Variants in LDLRAD4 observed in about 807,000 individuals in gnomAD.
LDLRAD4 encodes low density lipoprotein receptor class A domain containing 4.
Under a neutral mutation model 17.0 loss-of-function variants are expected in LDLRAD4, and 5 were observed. The observed-to-expected ratio is 0.29, with a 90% CI of 0.15 to 0.62. The LOEUF (loss-of-function observed/expected upper bound fraction) is 0.62, where lower values mean the gene tolerates loss of function less well. Ranked by LOEUF, LDLRAD4 falls within the 20% of genes least tolerant of loss-of-function variation. LDLRAD4 has a pLI of 0.84. For missense variants in LDLRAD4, 340 were observed against 424.7 expected, an observed-to-expected ratio of 0.80 and a Z score of 1.75; for synonymous variants, 168 against 171.8, an observed-to-expected ratio of 0.98 and a Z score of 0.17.
chr18:13,449,822 C>T lies in LDLRAD4; in HGVS notation c.181+11438C>T, dbSNP rs148142861. On this transcript the variant is annotated intron_variant, in intron 3 of 5. Transcript: ENST00000359446. ...TATGGTTCCAGGTAGGGTGTACCGC[C>T]GCAGGCCCTTGCATGCCAGCTGTTC... Among the ~76,000 whole-genome samples, 147 of 152,280 alleles carry T rather than the reference C, an allele frequency of 9.7e-4. 1 individual carries two copies. Among genetic ancestry groups the T allele is most frequent in the Non-Finnish European group, 1.5e-3 (102 of 68,036 alleles).
At chr18:13,502,583 A>T (rs188024140) in intron 3 of LDLRAD4, among the ~76,000 whole-genome samples, 22 of 152,352 alleles carry the variant, frequency 1.4e-4, no homozygotes, top group Admixed American at 1.4e-3. Flanking sequence ...GAAAAAAGTA[A>T]GTAGGGGAAA....
chr18:13,561,915 A>G (rs892431435), intron 3 of LDLRAD4: 1 of 152,256 alleles, frequency 6.6e-6, no homozygotes, highest in Non-Finnish European at 1.5e-5. Context: ...ACCTAAAAGA[A>G]AAACCAAACA....
At position 13,247,835 on chromosome 18, in the gene LDLRAD4, C is replaced by T. The variant is rs544238574; in HGVS notation, c.-467+28847C>T. Among the ~76,000 whole-genome samples the T allele has an allele frequency of 3.9e-4, 60 of 152,196 alleles. 2 individuals carry two copies. The highest frequency in any genetic ancestry group is 5.0e-4 in the Non-Finnish European group (34 of 68,024). Reference sequence around the variant, plus strand: ...TTTCTGCCACAGTTTTCATAGGCCACGGGATTTGCTGGAGAACCCGCTCAC... The same window carrying T: ...TTTCTGCCACAGTTTTCATAGGCCATGGGATTTGCTGGAGAACCCGCTCAC... On this transcript the variant is annotated intron_variant, in intron 1 of 5. Transcript: ENST00000399848.
intron 3 of LDLRAD4, among the ~76,000 whole-genome samples, chr18:13,449,823 G>A (rs945409129): frequency 2.0e-5 from 3 of 152,206 alleles, no homozygotes; most frequent in African/African-American, 4.8e-5. Flanking sequence ...GTGTACCGCC[G>A]CAGGCCCTTG....
intron 1 of LDLRAD4, among the ~76,000 whole-genome samples, chr18:13,348,490 G>A (rs947020343): frequency 6.6e-6 from 1 of 152,180 alleles, no homozygotes; most frequent in Non-Finnish European, 1.5e-5. Context: ...CTACTGTGGG[G>A]TGCCTCCCAG....
intron 3 of LDLRAD4, among the ~76,000 whole-genome samples, chr18:13,463,086 G>A (rs559461811): frequency 1.3e-5 from 2 of 152,274 alleles, no homozygotes; most frequent in African/African-American, 2.4e-5. Flanking sequence ...GAATCTCCAC[G>A]AAACAATTGG....
chr18:13,475,033 C>T (rs960121846), intron 3 of LDLRAD4, among the ~76,000 whole-genome samples: 2 of 152,100 alleles, frequency 1.3e-5, no homozygotes, highest in Admixed American at 6.5e-5. Flanking sequence ...TGGGGTGGCT[C>T]CTCTTGATTG....
Position 13,621,532 on chromosome 18 carries a change from C to T in LDLRAD4, c.336+261C>T, listed in dbSNP as rs1312174905. On this transcript the variant is annotated intron_variant, in intron 4 of 5. Coordinates refer to ENST00000359446, the Ensembl canonical transcript of LDLRAD4. The surrounding 1 kb of genome is among the most constrained non-coding windows in gnomAD (Gnocchi z 5.5). ...TCTCCCCTGGATCTTTGCTGCCCGACGTGGCTTTGCCAGCTTCTGAGCTGT... is the reference window on the plus strand; with the variant it reads ...TCTCCCCTGGATCTTTGCTGCCCGATGTGGCTTTGCCAGCTTCTGAGCTGT... 2.0e-5 allele frequency among the ~76,000 whole-genome samples: 3 copies of T among 152,218 alleles called. No homozygotes were observed. Among genetic ancestry groups the T allele is most frequent in the Admixed American group, 6.5e-5 (1 of 15,286 alleles).
intron 2 of LDLRAD4, among the ~76,000 whole-genome samples, chr18:13,410,008 G>C (rs2088172750): frequency 1.3e-5 from 2 of 152,234 alleles, no homozygotes; most frequent in Non-Finnish European, 2.9e-5. Context: ...GACGCACTGA[G>C]TGGGCACACT....
intron 2 of LDLRAD4, among the ~76,000 whole-genome samples, chr18:13,437,180 C>T (rs16973104): frequency 0.031 from 4,728 of 152,234 alleles, 249 homozygotes; most frequent in East Asian, 0.23. Flanking sequence ...GGCCTGCCAC[C>T]CTTATTCCAG....
At chr18:13,564,448 G>A (rs2094573193) in intron 3 of LDLRAD4, among the ~76,000 whole-genome samples, 1 of 151,954 alleles carries the variant, frequency 6.6e-6, no homozygotes, top group Non-Finnish European at 1.5e-5. Context: ...CTCAGGGTGG[G>A]GCTTGCTTGT....
chr18:13,640,847 G>A (rs2042489003), intron 4 of LDLRAD4, among the ~76,000 whole-genome samples: 2 of 152,204 alleles, frequency 1.3e-5, no homozygotes, highest in South Asian at 2.1e-4. Flanking sequence ...GGAGAAGAGG[G>A]GCACCTGGGT....
chr18:13,444,594 T>C (rs2091260373), intron 3 of LDLRAD4, among the ~76,000 whole-genome samples: 1 of 152,146 alleles, frequency 6.6e-6, no homozygotes, highest in South Asian at 2.1e-4. Flanking sequence ...TGTTCAAAGG[T>C]CAGCTGCACA....
chr18:13,442,047 C>G (rs372886682), intron 3 of LDLRAD4, among the ~76,000 whole-genome samples: 21 of 152,316 alleles, frequency 1.4e-4, no homozygotes, highest in East Asian at 1.4e-3. Flanking sequence ...TCTGGCTGCT[C>G]TATCAAAATA....
chr18:13,492,738 C>T (rs937176892), intron 3 of LDLRAD4, among the ~76,000 whole-genome samples: 1 of 152,110 alleles, frequency 6.6e-6, no homozygotes, highest in Non-Finnish European at 1.5e-5. Flanking sequence ...AGTGGGGTGC[C>T]CTGGGAGCAC....
intron 3 of LDLRAD4, among the ~76,000 whole-genome samples, chr18:13,530,283 C>T (rs576109803): frequency 4.6e-5 from 7 of 152,196 alleles, no homozygotes; most frequent in Middle Eastern, 3.2e-3. Flanking sequence ...AACACATGTT[C>T]GTCTTCCTCC....
intron 3 of LDLRAD4, among the ~76,000 whole-genome samples, chr18:13,603,982 C>T (rs915604674): frequency 2.6e-5 from 4 of 152,236 alleles, no homozygotes; most frequent in African/African-American, 9.6e-5. Flanking sequence ...CTAAAACACT[C>T]GAGCACTGGA....
intron 1 of LDLRAD4, among the ~76,000 whole-genome samples, chr18:13,351,774 T>A (rs2083050048): frequency 6.6e-6 from 1 of 152,162 alleles, no homozygotes; most frequent in Admixed American, 6.6e-5. Flanking sequence ...GAGGCCAGCA[T>A]CATCCTGATA....
intron 2 of LDLRAD4, among the ~76,000 whole-genome samples, chr18:13,395,695 GGGGAGCTGGCGTGGGGGC>G (rs1160982801): frequency 2.5e-4 from 25 of 101,030 alleles, no homozygotes; most frequent in Middle Eastern, 5.5e-3. Context: ...GGCGTTGGGT[GGGGAGCTGGCGTGGGGGC>G]GGGAGCTGGC....
Sources: gnomAD v4.1 joint callset for allele counts (sites outside exome capture counted in the v4.1 genomes callset) on GRCh38, gnomAD v4.1.1 for gene constraint, Gnocchi (gnomAD v3.1) non-coding constraint, MANE v1.5 for transcripts, NCBI Gene and HGNC (gene_info 2026-07-23, HGNC 2026-07-21) for gene names.